COQ2: variants seen among roughly 807,000 people sequenced by gnomAD.
COQ2 encodes 4-hydroxybenzoate polyprenyltransferase, mitochondrial.
A neutral mutation model predicts 35.7 loss-of-function variants in COQ2; 25 were observed. The ratio of observed to expected loss-of-function variants is 0.70; its 90% CI spans 0.51 to 0.98. The LOEUF (loss-of-function observed/expected upper bound fraction) is 0.98. Among genes scored for constraint, COQ2 ranks in the 50% least tolerant of loss-of-function variants. The probability of loss-of-function intolerance (pLI) is 0.00; values close to 1 mark genes in which losing one functional copy is unlikely to be tolerated. For missense variants in COQ2, 488 were observed against 473.5 expected, an observed-to-expected ratio of 1.03 and a Z score of -0.28; for synonymous variants, 206 against 186.2, an observed-to-expected ratio of 1.11 and a Z score of -0.86.
intron 1 of COQ2, among the ~76,000 whole-genome samples, chr4:83,280,031 T>C (rs1424281558): frequency 3.3e-5 from 5 of 152,124 alleles, no homozygotes; most frequent in East Asian, 1.9e-4. Flanking sequence ...CAGGGAATTA[T>C]GTTGCCCAGG....
At chr4:83,268,801 G>T (rs1479981709) in intron 5 of COQ2, among the ~76,000 whole-genome samples, 1 of 152,184 alleles carries the variant, frequency 6.6e-6, no homozygotes, top group South Asian at 2.1e-4. Context: ...GGCATAGGGG[G>T]TTTAGTGGAA....
chr4:83,265,293 G>T (rs1159556927), intron 6 of COQ2, among the ~76,000 whole-genome samples: 1 of 152,192 alleles, frequency 6.6e-6, no homozygotes, highest in African/African-American at 2.4e-5. Flanking sequence ...AGAGAGGCCA[G>T]GCGTGGTGGC....
At chr4:83,284,947 T>C (rs769136043), upstream of COQ2, 1 of 1,407,228 alleles carries the variant, frequency 7.1e-7, no homozygotes, top group South Asian at 1.5e-5. Context: ...GAATACTTAA[T>C]GAAAAAGGGA....
intron 2 of COQ2, among the ~76,000 whole-genome samples, chr4:83,277,730 G>A (rs1361989226): frequency 6.6e-6 from 1 of 152,180 alleles, no homozygotes; most frequent in Non-Finnish European, 1.5e-5. Flanking sequence ...AGCACTTTGG[G>A]AGGCCGAGGC....
intron 1 of COQ2, among the ~76,000 whole-genome samples, chr4:83,282,170 T>A (rs889736836): frequency 6.6e-6 from 1 of 152,132 alleles, no homozygotes; most frequent in Non-Finnish European, 1.5e-5. Context: ...CAAGACAACA[T>A]AATCACCCAT....
In COQ2 at chr4:83,272,133, G is replaced by T. The variant is rs759623537; in HGVS notation, c.582C>A (p.Thr194=). The T allele has an allele frequency of 6.2e-7, 1 of 1,611,278 alleles. No homozygotes were observed. Among genetic ancestry groups the T allele is most frequent in the South Asian group, 1.1e-5 (1 of 90,498 alleles). The change falls in exon 4 of 7, where the codon ACC becomes ACA. Residue 194 remains threonine, a synonymous_variant. Coordinates refer to ENST00000647002, the MANE Select transcript of COQ2 (RefSeq NM_001358921.2). ...ATGAAATTCTTTTCATTAGTGGGTA[G>T]GTGATGACAAGAAGTAAGGATCCTG... ...LGAGSLLLVI[T]YPLMKRISYW...
intron 5 of COQ2, among the ~76,000 whole-genome samples, chr4:83,269,071 T>C (rs1734987169): frequency 2.0e-5 from 3 of 152,098 alleles, no homozygotes; most frequent in Admixed American, 2.0e-4. Flanking sequence ...AAAAAGGCAA[T>C]ATCAAAAGCT....
chr4:83,283,421 C>A (rs1420189377), intron 1 of COQ2: 2 of 985,268 alleles, frequency 2.0e-6, no homozygotes, highest in Non-Finnish European at 2.4e-6. Flanking sequence ...AGGTCAGGCT[C>A]GTATTCTTAG....
At chr4:83,281,961 GTT>G (rs796667190) in intron 1 of COQ2, among the ~76,000 whole-genome samples, 2 of 142,252 alleles carry the variant, frequency 1.4e-5, no homozygotes, top group Admixed American at 7.1e-5. Flanking sequence ...TCCTAGCAAT[GTT>G]TTTTTTTTTT....
upstream of COQ2, chr4:83,284,842 A>ATCCTAG: frequency 2.6e-6 from 4 of 1,554,372 alleles, no homozygotes; most frequent in Non-Finnish European, 3.5e-6. Context: ...GCAGGATGCA[A>ATCCTAG]TCCTAGTCTG....
chr4:83,279,556 T>C (rs1735264881), intron 1 of COQ2, among the ~76,000 whole-genome samples: 3 of 152,112 alleles, frequency 2.0e-5, no homozygotes, highest in Non-Finnish European at 2.9e-5. Flanking sequence ...AACTTAAAAA[T>C]TGTTTATTGT....
At chr4:83,284,420 A>G (rs1735400748) in intron 1 of COQ2, 92 bp downstream of exon 1, 3 of 1,447,078 alleles carry the variant, frequency 2.1e-6, no homozygotes, top group Non-Finnish European at 2.7e-6. Context: ...CATTTCCATC[A>G]CGCCCCGGCC....
intron 1 of COQ2, among the ~76,000 whole-genome samples, chr4:83,279,819 T>G (rs1735274157): frequency 6.6e-6 from 1 of 151,282 alleles, no homozygotes; most frequent in Admixed American, 6.6e-5. Flanking sequence ...TAGCAAAATT[T>G]CCTTTACCAT....
intron 1 of COQ2, among the ~76,000 whole-genome samples, chr4:83,279,714 G>C (rs1005570394): frequency 2.0e-5 from 3 of 152,028 alleles, no homozygotes; most frequent in Non-Finnish European, 2.9e-5. Flanking sequence ...GAACTGCATG[G>C]ACAGGAGACA....
chr4:83,266,077 A>G (rs1249182393), intron 6 of COQ2, among the ~76,000 whole-genome samples: 1 of 152,362 alleles, frequency 6.6e-6, no homozygotes, highest in East Asian at 1.9e-4. Context: ...CAGACAATCA[A>G]ATGACAATGT....
At chr4:83,282,981 C>T (rs1735361449) in intron 1 of COQ2, among the ~76,000 whole-genome samples, 1 of 152,206 alleles carries the variant, frequency 6.6e-6, no homozygotes, top group Non-Finnish European at 1.5e-5. Flanking sequence ...ATGCCACAGA[C>T]TCCAAGAACA....
intron 1 of COQ2, chr4:83,283,880 T>C: frequency 2.0e-6 from 2 of 985,478 alleles, no homozygotes; most frequent in Non-Finnish European, 2.4e-6. Flanking sequence ...AAAATCTTTC[T>C]GTCGGGGGCG....
rs772366238 is a variant in COQ2, at chr4:83,279,079, T to G, written c.289A>C (p.Ile97Leu). 4 of 1,591,890 alleles carry G rather than the reference T, an allele frequency of 2.5e-6. No individual in the cohort carries two copies. In the Admixed American group the frequency reaches 7.1e-5, roughly 28 times the overall value. ...WLLYLPCTWS[I>L]GLAAEPGCFP... ...CAACCTGGTTCAGCTGCCAAACCAA[T>G]GCTCCAGGTACATGGTAAATACAGA... Residue 97 changes from isoleucine (I) to leucine (L), a missense_variant, in exon 2 of 7, where the codon ATT (isoleucine) becomes CTT (leucine). Coordinates refer to ENST00000647002, the MANE Select transcript of COQ2 (RefSeq NM_001358921.2).
At chr4:83,267,477 AGTT>A in intron 6 of COQ2, 106 bp downstream of exon 6, 1 of 949,824 alleles carries the variant, frequency 1.1e-6, no homozygotes, top group Non-Finnish European at 1.5e-6. Context: ...GAAGCCAAGT[AGTT>A]GTTTAAGAAG....
Sources: allele counts gnomAD v4.1 joint callset (sites outside exome capture counted in the v4.1 genomes callset), GRCh38; gene constraint gnomAD v4.1.1; transcripts MANE v1.5; gene names NCBI Gene and HGNC (gene_info 2026-07-23, HGNC 2026-07-21).